The following FAM167A variants were observed in gnomAD, a reference collection of about 807,000 sequenced individuals.
FAM167A encodes the protein protein FAM167A.
In FAM167A, 23 loss-of-function variants were observed where a neutral mutation model predicts 14.9. The ratio of observed to expected loss-of-function variants is 1.55; its 90% CI spans 1.11 to 2.19. The LOEUF is 2.19. Among genes scored for constraint, FAM167A ranks in the 30% most tolerant of loss-of-function variants. The pLI, the probability that FAM167A is intolerant of heterozygous loss-of-function variation, is 0.00. For synonymous variants in FAM167A, 174 were observed against 117.7 expected, an observed-to-expected ratio of 1.48 and a Z score of -3.10; for missense variants, 401 against 281.5, an observed-to-expected ratio of 1.42 and a Z score of -3.04.
In FAM167A at chr8:11,459,576, C is replaced by T. The variant is rs543761129; in HGVS notation, c.-398+7050G>A. 3.3e-5 allele frequency among the ~76,000 whole-genome samples: 5 copies of T among 152,266 alleles called. No homozygotes were observed. In the East Asian group the frequency reaches 5.8e-4, roughly 18 times the overall value. ...CTGCTGTGGCAGGAGGGCCTCTTTC[C>T]GGGGCTGGGGTCTTAGTCCTTGGGC... On this transcript the variant is annotated intron_variant, in intron 1 of 2. Coordinates refer to ENST00000284486, the MANE Select transcript of FAM167A (RefSeq NM_053279.3).
At chr8:11,441,494 G>A (rs573327104) in intron 2 of FAM167A, among the ~76,000 whole-genome samples, 1 of 152,232 alleles carries the variant, frequency 6.6e-6, no homozygotes, top group East Asian at 1.9e-4. Context: ...TGCTCTGAGA[G>A]ATTCTCTATC....
At chr8:11,461,405 C>T (rs895880667) in intron 1 of FAM167A, among the ~76,000 whole-genome samples, 12 of 152,286 alleles carry the variant, frequency 7.9e-5, no homozygotes. Flanking sequence ...GCCCCGCCAA[C>T]CGCCACATGA....
At position 11,424,314 on chromosome 8, in the gene FAM167A, C is replaced by G; in HGVS notation, c.*59G>C. On this transcript the variant is annotated 3_prime_UTR_variant, in exon 3 of 3. Coordinates refer to ENST00000284486, the MANE Select transcript of FAM167A (RefSeq NM_053279.3). The stretch of plus-strand genomic sequence containing the variant: ...TGGAGTAACTTGGCCTCAGCTTCCT[C>G]TGACACCCCTCCAGCCCAAGCCCTC... 1.3e-6 allele frequency: 2 copies of G among 1,599,274 alleles called. No homozygotes were observed. Among genetic ancestry groups the G allele is most frequent in the Non-Finnish European group, 1.7e-6 (2 of 1,170,670 alleles).
chr8:11,427,455 TTTAG>T (rs1254813392), intron 2 of FAM167A, among the ~76,000 whole-genome samples: 1 of 152,214 alleles, frequency 6.6e-6, no homozygotes, highest in Non-Finnish European at 1.5e-5. Flanking sequence ...TAAGTGGTTA[TTTAG>T]TATTTCTGCG....
intron 2 of FAM167A, among the ~76,000 whole-genome samples, chr8:11,432,370 T>C (rs888983488): frequency 2.0e-5 from 3 of 151,962 alleles, no homozygotes; most frequent in Non-Finnish European, 2.9e-5. Flanking sequence ...TTAAACAAAT[T>C]TACAAGAAAA....
At chr8:11,436,464 C>G (rs1032633834) in intron 2 of FAM167A, among the ~76,000 whole-genome samples, 1 of 152,202 alleles carries the variant, frequency 6.6e-6, no homozygotes, top group Non-Finnish European at 1.5e-5. Flanking sequence ...GGCTGGCTCC[C>G]TCACCTCTGT....
upstream of FAM167A, chr8:11,467,423 C>T (rs1191358118): frequency 6.5e-6 from 1 of 153,002 alleles, no homozygotes; most frequent in East Asian, 1.9e-4. Flanking sequence ...CTGCCCGGAC[C>T]GCAGGTCTTC....
rs1445022137 is a variant in FAM167A at position 11,437,739 on chromosome 8, C to A, written c.381+6292G>T. 2.6e-5 allele frequency among the ~76,000 whole-genome samples: 4 copies of A among 152,118 alleles called. No individual in the cohort carries two copies. In the South Asian group the frequency reaches 6.2e-4, roughly 24 times the overall value. Reference sequence around the variant, plus strand: ...TCACCCAGTAGTCACTACCCCATACCGTCGTGTGCTGTTATAATGGGGAGG... The same window carrying A: ...TCACCCAGTAGTCACTACCCCATACAGTCGTGTGCTGTTATAATGGGGAGG... On this transcript the variant is annotated intron_variant, in intron 2 of 2. Coordinates refer to ENST00000284486, the MANE Select transcript of FAM167A (RefSeq NM_053279.3).
intron 1 of FAM167A, chr8:11,446,758 G>C (rs1478259497): frequency 1.4e-4 from 22 of 152,348 alleles, no homozygotes; most frequent in Admixed American, 1.4e-3. Flanking sequence ...CTCCTGTGCA[G>C]TTTCACGGTC....
At chr8:11,440,289 G>A (rs1010882472) in intron 2 of FAM167A, among the ~76,000 whole-genome samples, 2 of 152,188 alleles carry the variant, frequency 1.3e-5, no homozygotes, top group East Asian at 3.8e-4. Flanking sequence ...GCTGGGAGTC[G>A]CACTAAGAGG....
intron 1 of FAM167A, among the ~76,000 whole-genome samples, chr8:11,450,004 C>A (rs567942135): frequency 6.6e-6 from 1 of 152,226 alleles, no homozygotes; most frequent in South Asian, 2.1e-4. Flanking sequence ...TCTCACCACG[C>A]GCTCCTGCTG....
In FAM167A at chr8:11,421,499, C is replaced by G; in HGVS notation, c.*2874G>C. 2.7e-6 allele frequency: 1 copy of G among 371,462 alleles called. No individual in the cohort carries two copies. The highest frequency in any genetic ancestry group is 3.9e-5 in the East Asian group (1 of 25,884). The allele number at this position is 371,462 out of a possible 1,614,324, so 23.0% of individuals were successfully genotyped here. On this transcript the variant is annotated 3_prime_UTR_variant, in exon 3 of 3. Transcript: ENST00000284486. Reference sequence around the variant, plus strand: ...CCTTTTATTTTTATATGGATATCTTCTTTTGAAGTATTTTTATTTCACTTT... The same window carrying G: ...CCTTTTATTTTTATATGGATATCTTGTTTTGAAGTATTTTTATTTCACTTT...
intron 2 of FAM167A, among the ~76,000 whole-genome samples, chr8:11,425,228 G>T (rs904833892): frequency 1.4e-4 from 21 of 152,146 alleles, no homozygotes; most frequent in Non-Finnish European, 2.2e-4. Context: ...AGGCCTTTGG[G>T]TCTATTAACA....
chr8:11,435,170 C>T (rs1805922261), intron 2 of FAM167A: 2 of 455,930 alleles, frequency 4.4e-6, no homozygotes, highest in Admixed American at 4.7e-5. Flanking sequence ...CCCTTGCCCC[C>T]ACAGGGCAGC....
chr8:11,459,678 G>A (rs905688326), intron 1 of FAM167A, among the ~76,000 whole-genome samples: 1 of 152,200 alleles, frequency 6.6e-6, no homozygotes, highest in African/African-American at 2.4e-5. Context: ...CAAGTCACAC[G>A]ACTCTTTGGA....
Position 11,444,509 on chromosome 8 carries a change from C to T in FAM167A, c.-98G>A, listed in dbSNP as rs1806660224. ...GTTGGGTCCCGCTCTGGGATGGCCT[C>T]ATCCAGGTGCCCGAGGGCATTTCCG... On this transcript the variant is annotated 5_prime_UTR_variant, in exon 2 of 3. An upstream start codon of the reference 5' UTR is lost. Transcript: ENST00000284486. 1.3e-6 allele frequency: 2 copies of T among 1,484,400 alleles called. No homozygotes were observed. The highest frequency in any genetic ancestry group is 2.4e-5 in the Admixed American group (1 of 41,498). 92.0% of individuals were successfully genotyped at this position (1,484,400 alleles called of 1,614,324 possible).
upstream of FAM167A, among the ~76,000 whole-genome samples, chr8:11,470,395 A>C (rs2736323): frequency 6.6e-6 from 1 of 152,038 alleles, no homozygotes; most frequent in East Asian, 1.9e-4. Flanking sequence ...GCCAGCATGG[A>C]TGCCTCGAGG....
chr8:11,428,148 G>C (rs532812462), intron 2 of FAM167A, among the ~76,000 whole-genome samples: 3 of 152,198 alleles, frequency 2.0e-5, no homozygotes, highest in Admixed American at 2.0e-4. Flanking sequence ...CCCAGGAATT[G>C]CATCTTTGGT....
At chr8:11,448,810 C>T (rs1345108592) in intron 1 of FAM167A, among the ~76,000 whole-genome samples, 2 of 152,214 alleles carry the variant, frequency 1.3e-5, no homozygotes, top group Non-Finnish European at 2.9e-5. Context: ...AAGGCCAGGC[C>T]CCAGAAGCCT....
Sources: gnomAD v4.1 joint callset for allele counts (sites outside exome capture counted in the v4.1 genomes callset) on GRCh38, gnomAD v4.1.1 for gene constraint, MANE v1.5 for transcripts, NCBI Gene and HGNC (gene_info 2026-07-23, HGNC 2026-07-21) for gene names.